The following MFRP variants were observed in gnomAD, a reference collection of about 807,000 sequenced individuals.
MFRP encodes the protein membrane frizzled-related protein.
In MFRP, 74 loss-of-function variants were observed where a neutral mutation model predicts 65.8. The ratio of observed to expected loss-of-function variants is 1.12; its 90% confidence interval spans 0.93 to 1.36. The LOEUF (loss-of-function observed/expected upper bound fraction) is 1.36, where lower values mean the gene tolerates loss of function less well. Among genes scored for constraint, MFRP ranks in the 40% most tolerant of loss-of-function variants. MFRP has a pLI of 0.00. For missense variants in MFRP, 838 were observed against 736.0 expected (o/e 1.14, Z -1.60); for synonymous variants, 336 against 288.3 (o/e 1.17, Z -1.68).
intron 13 of MFRP, 90 bp from the exon 14 acceptor site, chr11:119,340,530 C>A (rs923112036): frequency 1.0e-6 from 1 of 955,430 alleles, no homozygotes; most frequent in Non-Finnish European, 1.6e-6. Context: ...GTCCCCACCC[C>A]ACTGCCGTGC....
intron 13 of MFRP, 114 bp downstream of exon 13, chr11:119,340,581 C>T: frequency 6.4e-6 from 4 of 624,652 alleles, no homozygotes; most frequent in Non-Finnish European, 1.1e-5. Context: ...ATCCGGAGAG[C>T]ACAGGCAGGC....
Position 119,345,715 on chromosome 11 carries a change from T to C in MFRP, c.427+58A>G, listed in dbSNP as rs538659239. On this transcript the variant is annotated intron_variant, in intron 4 of 14. Coordinates refer to ENST00000619721, the MANE Select transcript of MFRP (RefSeq NM_031433.4). The stretch of plus-strand genomic sequence containing the variant: ...AAGGTGCCTCTTCCTCACCCTCCCC[T>C]CAACCCCACCCCGTCATCTTGGGCC... 547 of 1,611,888 alleles carry C rather than the reference T, an allele frequency of 3.4e-4. 1 individual carries two copies. The African/African-American group carries it at 6.5e-3, about 19-fold the overall frequency.
chr11:119,343,601 G>A (rs1950525795), intron 9 of MFRP, among the ~76,000 whole-genome samples: 1 of 152,226 alleles, frequency 6.6e-6, no homozygotes, highest in African/African-American at 2.4e-5. Context: ...CTGGGGCAGG[G>A]AGAGGTTTGG....
Position 119,339,607 on chromosome 11 carries a change from G to A in MFRP, c.*1352C>T, listed in dbSNP as rs1268428488. 1 of 1,613,112 alleles carries A rather than the reference G, an allele frequency of 6.2e-7. No homozygotes were observed. The highest frequency in any genetic ancestry group is 8.5e-7 in the Non-Finnish European group (1 of 1,180,044). On this transcript the variant is annotated 3_prime_UTR_variant, in exon 15 of 15. Coordinates refer to ENST00000619721, the MANE Select transcript of MFRP (RefSeq NM_031433.4). The surrounding 1 kb of genome is among the most constrained non-coding windows in gnomAD (Gnocchi z 5.4). ...GGTAGACGGTGGCATGGACGGCGAA[G>A]TAGTAGACCCCAGGCACCTGGCAGG... is the stretch of plus-strand genomic sequence containing the variant.
chr11:119,339,190 G>T lies in MFRP; in HGVS notation c.*1769C>A. 1.1e-6 allele frequency: 1 copy of T among 927,884 alleles called. No individual in the cohort carries two copies. The highest frequency in any genetic ancestry group is 1.6e-6 in the Non-Finnish European group (1 of 628,406). The allele number at this position is 927,884 out of a possible 1,614,324, so 57.5% of individuals were successfully genotyped here. A position where few individuals can be genotyped will look rare whatever the true frequency, so the allele number is the denominator to read the frequency against. On this transcript the variant is annotated 3_prime_UTR_variant, in exon 15 of 15. Coordinates refer to ENST00000619721, the MANE Select transcript of MFRP (RefSeq NM_031433.4). This position sits in a 1 kb window ranked among gnomAD's most constrained non-coding sequence, Gnocchi z 5.4. ...CAGCCACTGTTCCCATTCCTTGCCA[G>T]CAGCAGGACGGAGAGTGCTCTACCC...
Position 119,341,403 on chromosome 11 carries a change from C to G in MFRP, c.*145G>C, listed in dbSNP as rs887933898. The G allele has an allele frequency of 1.5e-6, 1 of 677,678 alleles. No individual in the cohort carries two copies. The highest frequency in any genetic ancestry group is 2.5e-6 in the Non-Finnish European group (1 of 402,606). The allele number at this position is 677,678 out of a possible 1,614,324, so 42.0% of individuals were successfully genotyped here. A position where few individuals can be genotyped will look rare whatever the true frequency, so the allele number is the denominator to read the frequency against. On this transcript the variant is annotated 3_prime_UTR_variant, in exon 13 of 15. Transcript: ENST00000619721. ...GGTGGTAGGGTCCCATGAGCCCCAGCTGAGGACTTCTCTTCCCCCTCCCTG... is the reference window on the plus strand; with the variant it reads ...GGTGGTAGGGTCCCATGAGCCCCAGGTGAGGACTTCTCTTCCCCCTCCCTG...
Position 119,339,068 on chromosome 11 carries a change from G to C in MFRP, c.*1891C>G. 1 of 463,910 alleles carries C rather than the reference G, an allele frequency of 2.2e-6. No individual in the cohort carries two copies. Among genetic ancestry groups the C allele is most frequent in the Non-Finnish European group, 3.8e-6 (1 of 260,536 alleles). The allele number at this position is 463,910 out of a possible 1,614,324, so 28.7% of individuals were successfully genotyped here. A position where few individuals can be genotyped will look rare whatever the true frequency, so the allele number is the denominator to read the frequency against. On this transcript the variant is annotated 3_prime_UTR_variant, in exon 15 of 15. Transcript: ENST00000619721. The surrounding 1 kb of genome is among the most constrained non-coding windows in gnomAD (Gnocchi z 5.4). ...CACCCCACCGTGGGCTCCTGGACCAGAGCAACTGGGGGACTTACACTTGCC... is the reference window on the plus strand; with the variant it reads ...CACCCCACCGTGGGCTCCTGGACCACAGCAACTGGGGGACTTACACTTGCC...
Position 119,343,831 on chromosome 11 carries a change from A to G in MFRP, c.1109T>C (p.Phe370Ser), listed in dbSNP as rs1950528411. 6.2e-7 allele frequency: 1 copy of G among 1,613,722 alleles called. No individual in the cohort carries two copies. The highest frequency in any genetic ancestry group is 1.7e-5 in the Admixed American group (1 of 59,998). ...GCTCCTGTACCTGCCCAGGAGGCTG[A>G]AGGCCCCTGAGCTGCTGGTCTCATA... ...EVYETSSSGA[F>S]SLLGRFCGAE... is the part of the protein sequence containing the mutation. The change falls in exon 9 of 15, where the codon TTC becomes TCC. Residue 370 changes from phenylalanine (F) to serine (S), a missense_variant. Transcript: ENST00000619721.
At position 119,341,757 on chromosome 11, in the gene MFRP, G is replaced by A. The variant is rs1370984890; in HGVS notation, c.1531C>T (p.Pro511Ser). 3.1e-6 allele frequency: 5 copies of A among 1,613,182 alleles called. No homozygotes were observed. The highest frequency in any genetic ancestry group is 1.3e-5 in the African/African-American group (1 of 74,934). ...LSGYKSLTSL[P>S]CYQHFRRLLC... Reference sequence around the variant, plus strand: ...AGCCTCCGGAAATGCTGGTAGCAGGGCAGGCTTGTCAGGCTCTGCGGAGGG... The same window carrying A: ...AGCCTCCGGAAATGCTGGTAGCAGGACAGGCTTGTCAGGCTCTGCGGAGGG... Residue 511 changes from proline (P) to serine (S), a missense_variant, in exon 13 of 15, where the codon CCC becomes TCC. Pro to Ser is a moderately conservative substitution (Grantham distance 74). Coordinates refer to ENST00000619721, the MANE Select transcript of MFRP (RefSeq NM_031433.4).
At chr11:119,344,425 A>G (rs982977398) in intron 7 of MFRP, 34 bp from the exon 8 acceptor site, 6 of 1,601,868 alleles carry the variant, frequency 3.7e-6, no homozygotes, top group African/African-American at 1.3e-5. Context: ...TGAGTTTGCT[A>G]GGATCTGTGC....
chr11:119,344,493 G>A (rs1950538271), intron 7 of MFRP, 102 bp from the exon 8 acceptor site: 2 of 1,568,566 alleles, frequency 1.3e-6, no homozygotes, highest in Non-Finnish European at 1.7e-6. Flanking sequence ...ATGCCCATGG[G>A]AAACAAGTTC....
rs772306052 is a variant in MFRP, at chr11:119,344,959, G to A, written c.687C>T (p.Ser229=). 1 of 1,609,570 alleles carries A rather than the reference G, an allele frequency of 6.2e-7. No homozygotes were observed. Among genetic ancestry groups the A allele is most frequent in the Non-Finnish European group, 8.5e-7 (1 of 1,178,506 alleles). The change falls in exon 6 of 15, where the codon AGC becomes AGT. Residue 229 remains serine (S), a synonymous_variant. Transcript: ENST00000619721. ...CAGAGACGAAGACCACCAGGAGGTGGCTGGCATTGGTGTTGAGCGTGGGGG... is the reference window on the plus strand; with the variant it reads ...CAGAGACGAAGACCACCAGGAGGTGACTGGCATTGGTGTTGAGCGTGGGGG... ...VPPPTLNTNA[S]HLLVVFVSDS...
In MFRP at chr11:119,339,407, G is replaced by C; in HGVS notation, c.*1552C>G. The C allele has an allele frequency of 6.2e-7, 1 of 1,613,356 alleles. No individual in the cohort carries two copies. Among genetic ancestry groups the C allele is most frequent in the Non-Finnish European group, 8.5e-7 (1 of 1,179,462 alleles). ...GAAGGTGCTGTCTGTCTTGATGCTGGCATAGATGCCAATGTAGTCACCCAC... is the reference window on the plus strand; with the variant it reads ...GAAGGTGCTGTCTGTCTTGATGCTGCCATAGATGCCAATGTAGTCACCCAC... On this transcript the variant is annotated 3_prime_UTR_variant, in exon 15 of 15. Coordinates refer to ENST00000619721, the MANE Select transcript of MFRP (RefSeq NM_031433.4). The surrounding 1 kb of genome is among the most constrained non-coding windows in gnomAD (Gnocchi z 5.4).
chr11:119,340,226 CGCCGTCGCG>C lies in MFRP; in HGVS notation c.*1059_*1067del, dbSNP rs940468185. The C allele has an allele frequency of 3.0e-5, 46 of 1,513,502 alleles. 1 individual carries two copies. The highest frequency in any genetic ancestry group is 6.5e-5 in the Admixed American group (3 of 46,456). 93.8% of individuals were successfully genotyped at this position (1,513,502 alleles called of 1,614,324 possible). On this transcript the variant is annotated 3_prime_UTR_variant, in exon 14 of 15. Coordinates refer to ENST00000619721, the MANE Select transcript of MFRP (RefSeq NM_031433.4). ...CCTTTCTCTCCCGGAGCCCCGGGCG[CGCCGTCGCG>C]GCCGTCGCGGCCATCGCGGCCCGGC... is the stretch of plus-strand genomic sequence containing the variant.
chr11:119,345,296 G>A (rs1950550305), intron 5 of MFRP, 124 bp downstream of exon 5: 4 of 1,000,504 alleles, frequency 4.0e-6, no homozygotes, highest in Admixed American at 2.1e-5. Flanking sequence ...TGGCAGAGCT[G>A]GGCCCAGAGG....
rs775425747 is a variant in MFRP at position 119,342,639 on chromosome 11, A to T, written c.1344T>A (p.Asp448Glu). ...WMCDMWRDCTDGSDDNCSGPL... is the reference protein window; with the variant it reads ...WMCDMWRDCTEGSDDNCSGPL... ...GGCCGCTGCAGTTGTCATCGCTGCC[A>T]TCGGTGCAGTCTCTCCACATGTCAC... Residue 448 changes from aspartate (D) to glutamate (E), a missense_variant, in exon 11 of 15, where the codon GAT becomes GAA. Physicochemically the swap from Asp to Glu is conservative, Grantham distance 45. Transcript: ENST00000619721. 1 of 1,613,600 alleles carries T rather than the reference A, an allele frequency of 6.2e-7. No homozygotes were observed. Among genetic ancestry groups the T allele is most frequent in the African/African-American group, 1.3e-5 (1 of 74,996 alleles).
In MFRP at chr11:119,342,689, C is replaced by T. The variant is rs1182136879; in HGVS notation, c.1294G>A (p.Gly432Arg). 4 of 1,613,748 alleles carry T rather than the reference C, an allele frequency of 2.5e-6. No individual in the cohort carries two copies. In the Admixed American group the frequency reaches 6.7e-5, roughly 27 times the overall value. The stretch of plus-strand genomic sequence containing the variant: ...CACATCCACTGCACACCCTTACACC[C>T]TCCTGCCTGGCAGGAGAGCTCACTG... Reference protein sequence around the residue: ...GPSELSCQAGGCKGVQWMCDM... With the variant: ...GPSELSCQAGRCKGVQWMCDM... The change falls in exon 11 of 15, where the codon GGG (glycine) becomes AGG (arginine). Residue 432 changes from glycine to arginine, a missense_variant. Physicochemically the swap from Gly to Arg is moderately radical, Grantham distance 125. Transcript: ENST00000619721.
rs1292656504 is a variant in MFRP, at chr11:119,346,174, G to A, written c.158-15C>T. On this transcript the variant is annotated splice_polypyrimidine_tract_variant and intron_variant, in intron 2 of 14. Coordinates refer to ENST00000619721, the MANE Select transcript of MFRP (RefSeq NM_031433.4). ...AGGACGCCGACCTGCGGGTTGGCAG[G>A]TGGGGTTTTGAAAGCCCCTTCTGTT... 2 of 1,577,686 alleles carry A rather than the reference G, an allele frequency of 1.3e-6. No homozygotes were observed. The highest frequency in any genetic ancestry group is 1.3e-5 in the African/African-American group (1 of 74,248).
Position 119,346,525 on chromosome 11 carries a change from C to G in MFRP, c.-12G>C. 6.2e-7 allele frequency: 1 copy of G among 1,613,934 alleles called. No individual in the cohort carries two copies. The highest frequency in any genetic ancestry group is 2.2e-5 in the East Asian group (1 of 44,884). On this transcript the variant is annotated 5_prime_UTR_variant, in exon 1 of 15. Transcript: ENST00000619721. ...GAGAAGTCCTTCATGGCACAAGGCT[C>G]TGCATGGCTTTCTGGAGTCCCTGTG...
Sources: allele counts gnomAD v4.1 joint callset (sites outside exome capture counted in the v4.1 genomes callset), GRCh38; gene constraint gnomAD v4.1.1; non-coding constraint Gnocchi (gnomAD v3.1); transcripts MANE v1.5; gene names NCBI Gene and HGNC (gene_info 2026-07-23, HGNC 2026-07-21).